Variants in PHTF2 observed in about 807,000 individuals in gnomAD.
The protein encoded by PHTF2 is protein PHTF2.
In PHTF2, 60 loss-of-function variants were observed where a neutral mutation model predicts 101.2. That is an observed-to-expected ratio of 0.59 (90% CI 0.48 to 0.73). The LOEUF (loss-of-function observed/expected upper bound fraction) is 0.73. Ranked by LOEUF, PHTF2 falls within the 30% of genes least tolerant of loss-of-function variation. The pLI is 0.00. For missense variants in PHTF2, 747 were observed against 908.7 expected (o/e 0.82, Z 2.29); for synonymous variants, 311 against 307.3 (o/e 1.01, Z -0.13).
At chr7:77,842,713 G>A (rs576959131) in intron 2 of PHTF2, among the ~76,000 whole-genome samples, 5 of 152,138 alleles carry the variant, frequency 3.3e-5, no homozygotes, top group Non-Finnish European at 5.9e-5. Flanking sequence ...TGGAATACTG[G>A]CATTTATGGG....
intron 1 of PHTF2, among the ~76,000 whole-genome samples, chr7:77,801,975 T>G (rs1473118638): frequency 6.6e-6 from 1 of 152,152 alleles, no homozygotes; most frequent in Non-Finnish European, 1.5e-5. Context: ...ATAAAATATA[T>G]AAAGTACGGG....
chr7:77,839,069 G>T (rs976859264), intron 1 of PHTF2, among the ~76,000 whole-genome samples: 7 of 152,082 alleles, frequency 4.6e-5, no homozygotes, highest in African/African-American at 1.7e-4. Flanking sequence ...AAAACCTCCG[G>T]TACTTTGTTT....
intron 11 of PHTF2, among the ~76,000 whole-genome samples, chr7:77,924,380 A>AAAAAAC (rs1348532231): frequency 6.6e-6 from 1 of 152,148 alleles, no homozygotes; most frequent in Non-Finnish European, 1.5e-5. Context: ...CCAAAACCAA[A>AAAAAAC]AAAAACAAAA....
intron 9 of PHTF2, among the ~76,000 whole-genome samples, chr7:77,914,043 G>A (rs1327919873): frequency 3.4e-5 from 5 of 148,520 alleles, no homozygotes; most frequent in Non-Finnish European, 7.4e-5. Flanking sequence ...TCCAGCCTGG[G>A]CGACAGAGCT....
chr7:77,855,346 G>A (rs1232645239), intron 3 of PHTF2, among the ~76,000 whole-genome samples: 2 of 152,170 alleles, frequency 1.3e-5, no homozygotes, highest in Non-Finnish European at 2.9e-5. Flanking sequence ...CAAGTTCCAA[G>A]ACAAAGTCTT....
At chr7:77,880,498 G>A (rs1799317276) in intron 3 of PHTF2, among the ~76,000 whole-genome samples, 1 of 152,066 alleles carries the variant, frequency 6.6e-6, no homozygotes. Flanking sequence ...ACACCAAGAT[G>A]TCTTACAAGT....
At chr7:77,841,074 A>ATTTTTTTTTTTT (rs1562863302) in intron 2 of PHTF2, among the ~76,000 whole-genome samples, 7 of 51,398 alleles carry the variant, frequency 1.4e-4, no homozygotes, top group African/African-American at 1.1e-3. Context: ...GAAAAAACAG[A>ATTTTTTTTTTTT]CTTTTTTTTT....
At chr7:77,844,154 CACCCACCTA>C (rs1796092151) in intron 2 of PHTF2, among the ~76,000 whole-genome samples, 1 of 152,038 alleles carries the variant, frequency 6.6e-6, no homozygotes, top group South Asian at 2.1e-4. Context: ...CATGCCACCA[CACCCACCTA>C]ACTTTTGTAT....
At chr7:77,952,647 T>G (rs1403809580) in intron 18 of PHTF2, among the ~76,000 whole-genome samples, 1 of 152,204 alleles carries the variant, frequency 6.6e-6, no homozygotes, top group Admixed American at 6.5e-5. Context: ...GTATATTGCC[T>G]ATCTTCAGAG....
intron 3 of PHTF2, among the ~76,000 whole-genome samples, chr7:77,860,329 C>T (rs1026180679): frequency 6.6e-6 from 1 of 152,172 alleles, no homozygotes; most frequent in Non-Finnish European, 1.5e-5. Context: ...ATAACTGCTA[C>T]AGGCTACCGA....
chr7:77,951,796 G>T (rs1003444489), intron 18 of PHTF2, 84 bp downstream of exon 17: 2 of 629,068 alleles, frequency 3.2e-6, no homozygotes. Flanking sequence ...ATATTACTTT[G>T]TATGTGGTTT....
chr7:77,867,275 A>AGAC (rs1250436752), intron 3 of PHTF2, among the ~76,000 whole-genome samples: 2 of 152,208 alleles, frequency 1.3e-5, no homozygotes, highest in African/African-American at 2.4e-5. Context: ...AACCCTTCCC[A>AGAC]GACATCTCTT....
At chr7:77,952,338 AGAATG>A (rs1806624631) in intron 18 of PHTF2, among the ~76,000 whole-genome samples, 1 of 152,148 alleles carries the variant, frequency 6.6e-6, no homozygotes, top group South Asian at 2.1e-4. Flanking sequence ...ATGTTTTCAG[AGAATG>A]GTATGAAATT....
chr7:77,828,951 A>G (rs753544592), intron 1 of PHTF2, among the ~76,000 whole-genome samples: 3 of 152,196 alleles, frequency 2.0e-5, no homozygotes, highest in Non-Finnish European at 4.4e-5. Flanking sequence ...AGGCAGGAAG[A>G]TTGCTTGAAG....
chr7:77,836,671 A>C (rs964431220), intron 1 of PHTF2, among the ~76,000 whole-genome samples: 3 of 152,174 alleles, frequency 2.0e-5, no homozygotes, highest in Non-Finnish European at 4.4e-5. Flanking sequence ...CTTTGCAGGG[A>C]CATGGATGAT....
At chr7:77,851,763 G>C (rs1196853556) in intron 2 of PHTF2, among the ~76,000 whole-genome samples, 1 of 151,422 alleles carries the variant, frequency 6.6e-6, no homozygotes, top group Non-Finnish European at 1.5e-5. Flanking sequence ...GGTTTGATTT[G>C]CTTTTATTTT....
intron 5 of PHTF2, among the ~76,000 whole-genome samples, chr7:77,894,501 G>C (rs1800720155): frequency 6.6e-6 from 1 of 152,110 alleles, no homozygotes; most frequent in Non-Finnish European, 1.5e-5. Context: ...AGACTACTTA[G>C]TCACTTGTAA....
At chr7:77,872,105 C>A (rs993428010) in intron 3 of PHTF2, among the ~76,000 whole-genome samples, 5 of 152,214 alleles carry the variant, frequency 3.3e-5, no homozygotes, top group African/African-American at 1.2e-4. Flanking sequence ...AAATTGGGCA[C>A]TCAGCAATGG....
chr7:77,923,578 T>A lies in PHTF2; in HGVS notation c.1119+800T>A. On this transcript the variant is annotated intron_variant, in intron 11 of 19. Transcript: ENST00000416283. The stretch of plus-strand genomic sequence containing the variant: ...GTCTCTGGTTAATCTTTCTGGTGAT[T>A]GTGGTTTTGTTTCTTTTCCCAGTGG... The A allele has an allele frequency of 3.0e-6, 3 of 985,462 alleles. No homozygotes were observed. In the African/African-American group the frequency reaches 5.2e-5, roughly 17 times the overall value. 61.0% of individuals were successfully genotyped at this position (985,462 alleles called of 1,614,324 possible). A position where few individuals can be genotyped will look rare whatever the true frequency, so the allele number is the denominator to read the frequency against.
Sources: allele counts gnomAD v4.1 joint callset (sites outside exome capture counted in the v4.1 genomes callset), GRCh38; gene constraint gnomAD v4.1.1; transcripts MANE v1.5; gene names NCBI Gene and HGNC (gene_info 2026-07-23, HGNC 2026-07-21).